Variants in PLAC1 observed in about 807,000 individuals in gnomAD.
PLAC1 encodes the protein placenta-specific protein 1.
For missense variants in PLAC1, 136 were observed against 163.2 expected, an observed-to-expected ratio of 0.83 and a Z score of 0.91; for synonymous variants, 68 against 62.1, an observed-to-expected ratio of 1.09 and a Z score of -0.44.
chrX:134,703,729 T>TA (rs1952113538), intron 2 of PLAC1, among the ~76,000 whole-genome samples: 1 of 110,072 alleles, frequency 9.1e-6, no homozygotes, highest in Non-Finnish European at 1.9e-5. Flanking sequence ...TGTTTTTTCT[T>TA]AAAAAAAGAA....
chrX:134,742,363 G>A (rs1172586573), intron 1 of PLAC1, among the ~76,000 whole-genome samples: 5 of 112,226 alleles, frequency 4.5e-5, no homozygotes, highest in Non-Finnish European at 9.4e-5. Context: ...TGAGGTGGGC[G>A]GATCACCTGA....
intron 2 of PLAC1, among the ~76,000 whole-genome samples, chrX:134,579,079 T>C (rs748589779): frequency 9.0e-6 from 1 of 111,218 alleles, no homozygotes; most frequent in African/African-American, 3.3e-5. Context: ...GTGTATGGAT[T>C]ACATATGGCA....
chrX:134,667,774 T>A lies in PLAC1; in HGVS notation n.175-65652A>T, dbSNP rs180808164. Among the ~76,000 whole-genome samples, 938 of 109,453 alleles carry A rather than the reference T, an allele frequency of 8.6e-3. 11 individuals are homozygous for A. The highest frequency in any genetic ancestry group is 0.03 in the African/African-American group (902 of 29,642). On this transcript the variant is annotated intron_variant and non_coding_transcript_variant, in intron 2 of 2. Transcript: ENST00000466797. ...CCATCTCTATAAAAAAAAAATTTTT[T>A]TAAATAGCTGGGTGTGGTGGTGCAT...
At chrX:134,584,958 C>G (rs186943560) in intron 2 of PLAC1, among the ~76,000 whole-genome samples, 1 of 110,891 alleles carries the variant, frequency 9.0e-6, no homozygotes, top group Non-Finnish European at 1.9e-5. Flanking sequence ...GAACGTCTTT[C>G]TCCCTAAATA....
intron 1 of PLAC1, among the ~76,000 whole-genome samples, chrX:134,760,751 C>G (rs180943799): frequency 2.4e-3 from 265 of 111,663 alleles, no homozygotes; most frequent in Non-Finnish European, 3.9e-3. Context: ...GACTTTGCAG[C>G]TCCTCACATT....
upstream of PLAC1, among the ~76,000 whole-genome samples, chrX:134,662,677 C>G (rs1175384611): frequency 8.9e-6 from 1 of 112,527 alleles, no homozygotes; most frequent in Non-Finnish European, 1.9e-5. Flanking sequence ...TGCCTGTAAT[C>G]TCAGCACTTT....
chrX:134,575,182 C>T (rs768245041), intron 2 of PLAC1, among the ~76,000 whole-genome samples: 67 of 110,899 alleles, frequency 6.0e-4, no homozygotes, highest in Non-Finnish European at 7.4e-4. Flanking sequence ...TGTCCCCGAG[C>T]CTGAATGTTC....
At chrX:134,607,317 G>A (rs1460122278) in intron 1 of PLAC1, 4 of 148,098 alleles carry the variant, frequency 2.7e-5, no homozygotes, top group African/African-American at 6.3e-5. Flanking sequence ...CCCCACAAAT[G>A]TTTTCATGGC....
At chrX:134,753,014 C>A (rs1025419341) in intron 1 of PLAC1, among the ~76,000 whole-genome samples, 1 of 111,576 alleles carries the variant, frequency 9.0e-6, no homozygotes, top group East Asian at 2.8e-4. Context: ...ATCCGCCTTT[C>A]TTGCACTTAA....
intron 1 of PLAC1, among the ~76,000 whole-genome samples, chrX:134,612,378 T>G (rs902663242): frequency 8.9e-6 from 1 of 112,290 alleles, no homozygotes; most frequent in Non-Finnish European, 1.9e-5. Context: ...GCCGGACACA[T>G]AGGAAGCTCT....
intron 1 of PLAC1, among the ~76,000 whole-genome samples, chrX:134,624,711 C>T (rs1032210603): frequency 2.7e-5 from 3 of 111,667 alleles, no homozygotes; most frequent in Non-Finnish European, 5.6e-5. Context: ...GGAATTGGCC[C>T]AGGGGAATAG....
At chrX:134,610,174 C>T (rs1456367680) in intron 1 of PLAC1, among the ~76,000 whole-genome samples, 1 of 110,885 alleles carries the variant, frequency 9.0e-6, no homozygotes, top group Non-Finnish European at 1.9e-5. Context: ...GACGGGGTTT[C>T]ACCATGTTGG....
chrX:134,622,336 T>C (rs1404491637), intron 1 of PLAC1, among the ~76,000 whole-genome samples: 4 of 111,685 alleles, frequency 3.6e-5, no homozygotes, highest in Non-Finnish European at 7.5e-5. Flanking sequence ...ATTTGAAAGA[T>C]ATTTTCCATC....
At chrX:134,635,741 C>T (rs1252554557) in intron 1 of PLAC1, among the ~76,000 whole-genome samples, 1 of 111,944 alleles carries the variant, frequency 8.9e-6, no homozygotes, top group Non-Finnish European at 1.9e-5. Context: ...CTTCCCTGCA[C>T]TTTGAATCTC....
chrX:134,631,870 G>A (rs779914634), intron 1 of PLAC1, among the ~76,000 whole-genome samples: 60 of 111,976 alleles, frequency 5.4e-4, no homozygotes, highest in South Asian at 1.1e-3. Flanking sequence ...CCAGACTAAT[G>A]CAGTCTGCGC....
intron 1 of PLAC1, among the ~76,000 whole-genome samples, chrX:134,617,405 G>T (rs1332310638): frequency 8.9e-6 from 1 of 111,904 alleles, no homozygotes; most frequent in Admixed American, 9.5e-5. Context: ...CCTAGTACTG[G>T]ATCTTAGAGG....
chrX:134,588,610 T>C (rs1423116408), intron 2 of PLAC1, among the ~76,000 whole-genome samples: 1 of 110,140 alleles, frequency 9.1e-6, no homozygotes, highest in Non-Finnish European at 1.9e-5. Flanking sequence ...CAGAGCACCA[T>C]TGGCCAGGAG....
rs200767263 is a variant in PLAC1, at chrX:134,593,792, G to C, written c.-59+8259C>G. On this transcript the variant is annotated intron_variant, in intron 2 of 2. Transcript: ENST00000359237. ...CTGAACTCATTTATTTGTTTTAGGA[G>C]TTTAAAAAAAATAGTTTTCTTGCTA... Among the ~76,000 whole-genome samples, 9 of 111,574 alleles carry C rather than the reference G, an allele frequency of 8.1e-5. No homozygotes were observed. In the East Asian group the frequency reaches 2.5e-3, roughly 31 times the overall value.
intron 2 of PLAC1, among the ~76,000 whole-genome samples, chrX:134,723,883 G>A (rs2078666070): frequency 9.0e-6 from 1 of 110,663 alleles, no homozygotes; most frequent in African/African-American, 3.3e-5. Context: ...TGATGAAAGC[G>A]TTTAAGGGGA....
Sources: gnomAD v4.1 joint callset for allele counts (sites outside exome capture counted in the v4.1 genomes callset) on GRCh38, gnomAD v4.1.1 for gene constraint, MANE v1.5 for transcripts, NCBI Gene and HGNC (gene_info 2026-07-23, HGNC 2026-07-21) for gene names.